The following SEMA3E variants were observed in gnomAD, a reference collection of about 807,000 sequenced individuals.
SEMA3E encodes the protein semaphorin-3E.
Under a neutral mutation model 93.6 loss-of-function variants are expected in SEMA3E, and 49 were observed. The observed-to-expected ratio is 0.52, with a 90% CI of 0.42 to 0.66. The LOEUF (loss-of-function observed/expected upper bound fraction) is 0.66, where lower values mean the gene tolerates loss of function less well. Among genes scored for constraint, SEMA3E ranks in the 30% least tolerant of loss-of-function variants. The probability of loss-of-function intolerance (pLI) is 0.00; values close to 1 mark genes in which losing one functional copy is unlikely to be tolerated. For synonymous variants in SEMA3E, 363 were observed against 330.7 expected (o/e 1.10, Z -1.06); for missense variants, 906 against 964.8 (o/e 0.94, Z 0.81).
At chr7:83,576,753 G>C (rs1006536940) in intron 1 of SEMA3E, among the ~76,000 whole-genome samples, 11 of 152,032 alleles carry the variant, frequency 7.2e-5, no homozygotes, top group Admixed American at 1.3e-4. Flanking sequence ...AGCCTCCCGA[G>C]TAGCTGGGAT....
intron 11 of SEMA3E, among the ~76,000 whole-genome samples, chr7:83,398,898 C>T (rs368028242): frequency 9.9e-5 from 15 of 152,120 alleles, no homozygotes; most frequent in Admixed American, 2.0e-4. Flanking sequence ...GAGCCAAGAT[C>T]GTGCCATTGC....
chr7:83,399,011 G>C (rs974048359), intron 11 of SEMA3E, among the ~76,000 whole-genome samples: 2 of 151,726 alleles, frequency 1.3e-5, no homozygotes, highest in African/African-American at 4.8e-5. Flanking sequence ...AAAAACAAAG[G>C]GTTTATTGGA....
chr7:83,609,699 C>T (rs1388538652), intron 1 of SEMA3E, among the ~76,000 whole-genome samples: 1 of 151,904 alleles, frequency 6.6e-6, no homozygotes, highest in African/African-American at 2.4e-5. Context: ...AACTATATCT[C>T]ATATAAATTA....
At chr7:83,547,302 A>G (rs1043550258) in intron 1 of SEMA3E, among the ~76,000 whole-genome samples, 13 of 152,150 alleles carry the variant, frequency 8.5e-5, no homozygotes, top group Admixed American at 8.5e-4. Context: ...TTATTCACCC[A>G]TAAATACCAC....
In SEMA3E at chr7:83,396,680, T is replaced by C; in HGVS notation, c.1416A>G (p.Glu472=). 6.2e-7 allele frequency: 1 copy of C among 1,609,364 alleles called. No homozygotes were observed. Residue 472 remains glutamate (E), a synonymous_variant, in exon 12 of 17, where the codon GAA becomes GAG. Transcript: ENST00000643230. ...CTTCTAGAATTACTTCTTCCATTGA[T>C]TCCATTTCTTGGTTGTAAATTGTGA... The part of the protein sequence containing the change: ...KVITIYNQEM[E]SMEEVILEEL...
At chr7:83,425,861 G>T (rs2115724210) in intron 4 of SEMA3E, among the ~76,000 whole-genome samples, 1 of 152,144 alleles carries the variant, frequency 6.6e-6, no homozygotes, top group Non-Finnish European at 1.5e-5. Flanking sequence ...TTAATATCCA[G>T]AATCTATAAG....
chr7:83,496,530 G>A (rs957799329), intron 1 of SEMA3E, among the ~76,000 whole-genome samples: 6 of 151,738 alleles, frequency 4.0e-5, no homozygotes, highest in African/African-American at 1.2e-4. Context: ...TTGACTTATT[G>A]ATTCATGACA....
At chr7:83,602,917 T>C (rs569794377) in intron 1 of SEMA3E, among the ~76,000 whole-genome samples, 7 of 152,310 alleles carry the variant, frequency 4.6e-5, no homozygotes, top group African/African-American at 1.7e-4. Flanking sequence ...TACATCATAA[T>C]TGTCTTAATA....
chr7:83,506,127 C>T (rs568024244), intron 1 of SEMA3E, among the ~76,000 whole-genome samples: 5 of 149,806 alleles, frequency 3.3e-5, no homozygotes, highest in South Asian at 4.2e-4. Flanking sequence ...CCAATTTATT[C>T]TTATTGATCT....
At chr7:83,516,244 G>A (rs1427320473) in intron 1 of SEMA3E, among the ~76,000 whole-genome samples, 1 of 152,096 alleles carries the variant, frequency 6.6e-6, no homozygotes, top group African/African-American at 2.4e-5. Flanking sequence ...ACATGCAATA[G>A]TCATGGACTC....
chr7:83,405,172 T>C (rs1788302668), intron 9 of SEMA3E, among the ~76,000 whole-genome samples: 2 of 152,008 alleles, frequency 1.3e-5, no homozygotes, highest in Admixed American at 1.3e-4. Flanking sequence ...AAAAAATCAC[T>C]GTGTTCTAGA....
intron 1 of SEMA3E, among the ~76,000 whole-genome samples, chr7:83,544,766 A>G (rs756765882): frequency 6.6e-6 from 1 of 151,980 alleles, no homozygotes. Flanking sequence ...AACATAGGCC[A>G]GTAGGATTCT....
At chr7:83,392,252 T>C (rs942702675) in intron 14 of SEMA3E, among the ~76,000 whole-genome samples, 4 of 152,174 alleles carry the variant, frequency 2.6e-5, no homozygotes, top group African/African-American at 9.6e-5. Context: ...GGATGTATTT[T>C]AGAATTTCTT....
At chr7:83,382,575 T>C (rs1787797930) in intron 16 of SEMA3E, among the ~76,000 whole-genome samples, 1 of 151,954 alleles carries the variant, frequency 6.6e-6, no homozygotes, top group Non-Finnish European at 1.5e-5. Flanking sequence ...ATTCTGTTTA[T>C]GAGTCTCTTT....
At chr7:83,417,017 GGAGAGA>G (rs368006308) in intron 5 of SEMA3E, among the ~76,000 whole-genome samples, 26,240 of 96,042 alleles carry the variant, frequency 0.27, 2,757 homozygotes, top group Non-Finnish European at 0.35. Flanking sequence ...ACACACACAG[GGAGAGA>G]GAGAGAGAGA....
chr7:83,482,659 C>T (rs1207951709), intron 2 of SEMA3E, among the ~76,000 whole-genome samples: 2 of 151,126 alleles, frequency 1.3e-5, no homozygotes, highest in East Asian at 3.9e-4. Context: ...AACAGACACA[C>T]TTTCACTCTT....
chr7:83,430,479 C>T (rs1356047609), intron 4 of SEMA3E, among the ~76,000 whole-genome samples: 3 of 152,076 alleles, frequency 2.0e-5, no homozygotes, highest in African/African-American at 7.2e-5. Context: ...AGATGAATAC[C>T]ACGGAATACT....
intron 14 of SEMA3E, among the ~76,000 whole-genome samples, chr7:83,389,021 T>A (rs1282461089): frequency 6.6e-6 from 1 of 151,954 alleles, no homozygotes; most frequent in African/African-American, 2.4e-5. Context: ...AGTTTTTTTT[T>A]AATGTAGAGA....
rs113528295 is a variant in SEMA3E, at chr7:83,406,329, A to G, written c.814-270T>C. Reference sequence around the variant, plus strand: ...GATATTAAACAATATTAATACTGCAAACTCTCCTAAATAGAATAGTGGAGA... The same window carrying G: ...GATATTAAACAATATTAATACTGCAGACTCTCCTAAATAGAATAGTGGAGA... On this transcript the variant is annotated intron_variant, in intron 7 of 16. Coordinates refer to ENST00000643230, the MANE Select transcript of SEMA3E (RefSeq NM_012431.3). Among the ~76,000 whole-genome samples, 317 of 152,062 alleles carry G rather than the reference A, an allele frequency of 2.1e-3. 3 individuals carry two copies. Among genetic ancestry groups the G allele is most frequent in the African/African-American group, 7.1e-3 (293 of 41,510 alleles).
Sources: allele counts gnomAD v4.1 joint callset (sites outside exome capture counted in the v4.1 genomes callset), GRCh38; gene constraint gnomAD v4.1.1; transcripts MANE v1.5; gene names NCBI Gene and HGNC (gene_info 2026-07-23, HGNC 2026-07-21).